GOLGA8B: variants seen among roughly 807,000 people sequenced by gnomAD.
GOLGA8B encodes golgin subfamily A member 8B.
In GOLGA8B, 1 loss-of-function variant was observed where a neutral mutation model predicts 15.6. The ratio of observed to expected loss-of-function variants is 0.06; its 90% CI spans 0.02 to 0.30. The LOEUF (loss-of-function observed/expected upper bound fraction) is 0.30, where lower values mean the gene tolerates loss of function less well. Among genes scored for constraint, GOLGA8B ranks in the 10% least tolerant of loss-of-function variants. The probability of loss-of-function intolerance (pLI) is 1.00; values close to 1 mark genes in which losing one functional copy is unlikely to be tolerated. For missense variants in GOLGA8B, 17 were observed against 201.3 expected (o/e 0.08, Z 5.54); for synonymous variants, 9 against 80.3 (o/e 0.11, Z 4.75).
At chr15:34,576,045 T>C (rs1889069463) in intron 1 of GOLGA8B, among the ~76,000 whole-genome samples, 4 of 147,242 alleles carry the variant, frequency 2.7e-5, no homozygotes. Flanking sequence ...GAGAGGTGAA[T>C]GACGGGACGG....
At chr15:34,570,002 C>T (rs2140350297) in intron 1 of GOLGA8B, among the ~76,000 whole-genome samples, 1 of 152,334 alleles carries the variant, frequency 6.6e-6, no homozygotes, top group Middle Eastern at 3.4e-3. Flanking sequence ...GGTCCACCTC[C>T]ATGGACCCTT....
At chr15:34,567,118 G>A (rs201850788) in intron 1 of GOLGA8B, among the ~76,000 whole-genome samples, 17,261 of 122,508 alleles carry the variant, frequency 0.14, 729 homozygotes, top group Admixed American at 0.24. Flanking sequence ...TGATGATCCT[G>A]AGGTTGATCA....
At chr15:34,550,757 G>A (rs1434694673) in intron 4 of GOLGA8B, among the ~76,000 whole-genome samples, 1 of 128,508 alleles carries the variant, frequency 7.8e-6, no homozygotes. Context: ...ACTTTGGCAG[G>A]CTGAGGTAGG....
At chr15:34,582,711 G>GCC (rs1889274533) in intron 1 of GOLGA8B, 2 of 152,516 alleles carry the variant, frequency 1.3e-5, no homozygotes, top group Non-Finnish European at 2.9e-5. Context: ...CTCCGCGTCG[G>GCC]CCCCGGGGAA....
At chr15:34,572,600 A>G (rs1437488861) in intron 1 of GOLGA8B, among the ~76,000 whole-genome samples, 2 of 152,222 alleles carry the variant, frequency 1.3e-5, no homozygotes, top group Admixed American at 1.3e-4. Context: ...CAAGTAAAAT[A>G]TGTTCACAGA....
At chr15:34,580,975 C>CA (rs1344048978) in intron 1 of GOLGA8B, among the ~76,000 whole-genome samples, 1 of 152,202 alleles carries the variant, frequency 6.6e-6, no homozygotes, top group Non-Finnish European at 1.5e-5. Flanking sequence ...GTGGTACAGC[C>CA]AGGGCCGCCA....
chr15:34,582,990 T>C (rs62004935), intron 1 of GOLGA8B: 55,348 of 151,840 alleles, frequency 0.36, 10,504 homozygotes, highest in Admixed American at 0.45. Context: ...GAAGTTTTTC[T>C]CTCTGGGCCT....
intron 1 of GOLGA8B, among the ~76,000 whole-genome samples, chr15:34,571,298 G>A (rs1404800230): frequency 1.3e-5 from 2 of 151,946 alleles, no homozygotes; most frequent in Admixed American, 1.3e-4. Context: ...GGGTGACAAA[G>A]TAAGACAGTC....
chr15:34,571,619 A>G (rs757306880), intron 1 of GOLGA8B, among the ~76,000 whole-genome samples: 2 of 146,302 alleles, frequency 1.4e-5, no homozygotes, highest in Non-Finnish European at 3.0e-5. Context: ...ATCGTATAAA[A>G]AAAAAAAAAA....
rs1247397048 is a variant in GOLGA8B, at chr15:34,549,224, A to G, written c.-575+1914T>C. 3.5e-4 allele frequency among the ~76,000 whole-genome samples: 38 copies of G among 109,770 alleles called. 3 individuals are homozygous for G. The highest frequency in any genetic ancestry group is 1.1e-3 in the African/African-American group (37 of 32,438). The allele number at this position is 109,770 out of a possible 152,430, so 72.0% of individuals were successfully genotyped here. ...ATTTCAAGAAGTAAAAAAAAAAAAAAAAAGTCCAATTAAATGAAGCATTAT... is the reference window on the plus strand; with the variant it reads ...ATTTCAAGAAGTAAAAAAAAAAAAAGAAAGTCCAATTAAATGAAGCATTAT... On this transcript the variant is annotated intron_variant, in intron 4 of 23. Coordinates refer to ENST00000683415, the MANE Select transcript of GOLGA8B (RefSeq NM_001023567.5).
At chr15:34,582,015 C>G (rs1889249897) in intron 1 of GOLGA8B, among the ~76,000 whole-genome samples, 1 of 152,188 alleles carries the variant, frequency 6.6e-6, no homozygotes, top group Non-Finnish European at 1.5e-5. Context: ...CCAGCAAGTT[C>G]CACGTGTCCT....
At chr15:34,576,502 C>G (rs554928757) in intron 1 of GOLGA8B, among the ~76,000 whole-genome samples, 2 of 152,342 alleles carry the variant, frequency 1.3e-5, no homozygotes, top group Non-Finnish European at 2.9e-5. Flanking sequence ...CACATCCCAC[C>G]TGCAAAACGA....
intron 1 of GOLGA8B, among the ~76,000 whole-genome samples, chr15:34,570,537 A>G (rs1888886899): frequency 9.1e-6 from 1 of 109,658 alleles, no homozygotes. Context: ...GGCCCTCCTG[A>G]GGAGGGCCCC....
rs1348961107 is a variant in GOLGA8B at position 34,525,316 on chromosome 15, A to G, written c.*2316T>C. On this transcript the variant is annotated 3_prime_UTR_variant, in exon 24 of 24. Transcript: ENST00000683415. ...ATTTAATAATTTATCACATTACAGT[A>G]GCATCACACCAGCAGTCAATAATGC... The G allele has an allele frequency of 6.7e-6, 1 of 149,858 alleles. No homozygotes were observed. The highest frequency in any genetic ancestry group is 1.5e-5 in the Non-Finnish European group (1 of 67,264). The allele number at this position is 149,858 out of a possible 1,614,324, so 9.3% of individuals were successfully genotyped here.
chr15:34,576,112 T>A (rs1237280031), intron 1 of GOLGA8B, among the ~76,000 whole-genome samples: 1 of 152,052 alleles, frequency 6.6e-6, no homozygotes, highest in Non-Finnish European at 1.5e-5. Flanking sequence ...ACTATTAGAT[T>A]AAGCCACCCT....
chr15:34,576,395 A>G (rs1889082634), intron 1 of GOLGA8B, among the ~76,000 whole-genome samples: 1 of 152,224 alleles, frequency 6.6e-6, no homozygotes, highest in Admixed American at 6.5e-5. Context: ...GCGAAAGCCC[A>G]AGGGAAAGAC....
chr15:34,557,005 G>A (rs1328935002), intron 1 of GOLGA8B, among the ~76,000 whole-genome samples: 2 of 144,898 alleles, frequency 1.4e-5, no homozygotes, highest in African/African-American at 5.2e-5. Flanking sequence ...CCACTCTTAA[G>A]CTCACCGCTC....
At chr15:34,581,883 C>T (rs1402970063) in intron 1 of GOLGA8B, among the ~76,000 whole-genome samples, 1 of 152,172 alleles carries the variant, frequency 6.6e-6, no homozygotes, top group Non-Finnish European at 1.5e-5. Context: ...CCAGTCCCAG[C>T]CCAGCCAGGG....
intron 7 of GOLGA8B, among the ~76,000 whole-genome samples, chr15:34,540,123 T>TA (rs1888215270): frequency 1.2e-4 from 1 of 8,016 alleles, no homozygotes; most frequent in Admixed American, 1.9e-3. Context: ...TACAACAGGA[T>TA]AAAAAAAAGC....
Sources: allele counts gnomAD v4.1 joint callset (sites outside exome capture counted in the v4.1 genomes callset), GRCh38; gene constraint gnomAD v4.1.1; transcripts MANE v1.5; gene names NCBI Gene and HGNC (gene_info 2026-07-23, HGNC 2026-07-21).